The following CA10 variants were observed in gnomAD, a reference collection of about 807,000 sequenced individuals.
CA10 encodes carbonic anhydrase-related protein 10.
In CA10, 14 loss-of-function variants were observed where a neutral mutation model predicts 44.2. The observed-to-expected ratio is 0.32, with a 90% CI of 0.21 to 0.50. The LOEUF is 0.50. Among genes scored for constraint, CA10 ranks in the 20% least tolerant of loss-of-function variants. The pLI is 0.99. For synonymous variants in CA10, 159 were observed against 141.6 expected, an observed-to-expected ratio of 1.12 and a Z score of -0.87; for missense variants, 350 against 409.7, an observed-to-expected ratio of 0.85 and a Z score of 1.26.
At position 52,142,506 on chromosome 17, in the gene CA10, GTTA is replaced by G. The variant is rs1204308978; in HGVS notation, c.61+15217_61+15219del. Among the ~76,000 whole-genome samples, 5 of 151,976 alleles carry G rather than the reference GTTA, an allele frequency of 3.3e-5. No homozygotes were observed. In the East Asian group the frequency reaches 7.7e-4, roughly 23 times the overall value. On this transcript the variant is annotated intron_variant, in intron 1 of 8. Coordinates refer to ENST00000451037, the MANE Select transcript of CA10 (RefSeq NM_020178.5). ...ATGCTTATAAAAAATCACTGATGGG[GTTA>G]TTTTTTTTGAAAATACTTGGAAAAT...
At chr17:51,962,691 C>G (rs1439993519) in intron 2 of CA10, among the ~76,000 whole-genome samples, 1 of 152,064 alleles carries the variant, frequency 6.6e-6, no homozygotes, top group Admixed American at 6.6e-5. Flanking sequence ...TATGGTCACA[C>G]CCCACAGGGA....
intron 1 of CA10, among the ~76,000 whole-genome samples, chr17:52,077,816 A>T (rs1987856613): frequency 6.6e-6 from 1 of 152,164 alleles, no homozygotes; most frequent in South Asian, 2.1e-4. Context: ...CCCGATTTCC[A>T]TTGGGCTAAA....
At chr17:51,846,516 C>A (rs1404628075) in intron 3 of CA10, among the ~76,000 whole-genome samples, 2 of 152,190 alleles carry the variant, frequency 1.3e-5, no homozygotes, top group Admixed American at 6.5e-5. Context: ...TAACAGGTAG[C>A]AACTGTTATT....
At chr17:52,058,745 G>T (rs1987297039) in intron 2 of CA10, among the ~76,000 whole-genome samples, 1 of 152,154 alleles carries the variant, frequency 6.6e-6, no homozygotes, top group Non-Finnish European at 1.5e-5. Context: ...CATCTGCAAA[G>T]CCTTTTCTGA....
At chr17:52,024,193 A>G (rs1277470649) in intron 2 of CA10, among the ~76,000 whole-genome samples, 3 of 152,094 alleles carry the variant, frequency 2.0e-5, no homozygotes, top group Non-Finnish European at 4.4e-5. Context: ...AAAAGGATCA[A>G]TCTGATCTAA....
intron 4 of CA10, among the ~76,000 whole-genome samples, chr17:51,726,380 T>C (rs1013759901): frequency 2.6e-5 from 4 of 152,222 alleles, no homozygotes; most frequent in African/African-American, 7.2e-5. Flanking sequence ...ACAGTGACTG[T>C]AGTTAATAAC....
chr17:52,097,381 T>C (rs1988429733), intron 1 of CA10, among the ~76,000 whole-genome samples: 1 of 152,216 alleles, frequency 6.6e-6, no homozygotes, highest in South Asian at 2.1e-4. Flanking sequence ...TAAACAGTCT[T>C]GTTTATATAT....
chr17:51,794,819 G>A (rs909830537), intron 3 of CA10, among the ~76,000 whole-genome samples: 3 of 152,120 alleles, frequency 2.0e-5, no homozygotes, highest in Admixed American at 6.6e-5. Context: ...TTAACCAAAG[G>A]CATTTCCATG....
In CA10 at chr17:51,701,269, G is replaced by T. The variant is rs534876676; in HGVS notation, c.465+46364C>A. On this transcript the variant is annotated intron_variant, in intron 4 of 8. Coordinates refer to ENST00000451037, the MANE Select transcript of CA10 (RefSeq NM_020178.5). Reference sequence around the variant, plus strand: ...CCTCTGCCTCTGTTTTCACATGGTTGTCTTCTGTCTGTGTCCCAATTTCCC... The same window carrying T: ...CCTCTGCCTCTGTTTTCACATGGTTTTCTTCTGTCTGTGTCCCAATTTCCC... Among the ~76,000 whole-genome samples, 12 of 152,076 alleles carry T rather than the reference G, an allele frequency of 7.9e-5. No individual in the cohort carries two copies. In the South Asian group the frequency reaches 2.5e-3, roughly 32 times the overall value.
intron 3 of CA10, among the ~76,000 whole-genome samples, chr17:51,924,335 G>A (rs928052524): frequency 2.6e-5 from 4 of 152,136 alleles, no homozygotes; most frequent in African/African-American, 7.2e-5. Flanking sequence ...AGGTATGTAC[G>A]AAGTATAATG....
chr17:52,026,480 C>T (rs1446192746), intron 2 of CA10, among the ~76,000 whole-genome samples: 4 of 152,118 alleles, frequency 2.6e-5, no homozygotes, highest in Non-Finnish European at 2.9e-5. Context: ...CCTAGAGCAG[C>T]GGTTCCCAAC....
intron 2 of CA10, among the ~76,000 whole-genome samples, chr17:52,051,190 C>T (rs773593892): frequency 4.6e-5 from 7 of 151,496 alleles, no homozygotes; most frequent in East Asian, 1.9e-4. Context: ...AACAAAGGCA[C>T]GTAAACCCTG....
At chr17:51,939,127 T>C (rs929115731) in intron 2 of CA10, among the ~76,000 whole-genome samples, 1 of 152,030 alleles carries the variant, frequency 6.6e-6, no homozygotes, top group Non-Finnish European at 1.5e-5. Flanking sequence ...CATACAAATA[T>C]ATACACATGT....
intron 3 of CA10, among the ~76,000 whole-genome samples, chr17:51,922,984 G>T (rs1316475799): frequency 6.6e-6 from 1 of 152,050 alleles, no homozygotes; most frequent in Non-Finnish European, 1.5e-5. Flanking sequence ...GTCAATAAAG[G>T]AATTTGTCTA....
intron 1 of CA10, among the ~76,000 whole-genome samples, chr17:52,102,220 C>G (rs1351156687): frequency 6.6e-6 from 1 of 152,202 alleles, no homozygotes; most frequent in Non-Finnish European, 1.5e-5. Context: ...AAAACAGAGA[C>G]TCCTCCAGAG....
rs1166654296 is a variant in CA10, at chr17:51,903,228, T to G, written c.279+27762A>C. 3.3e-5 allele frequency among the ~76,000 whole-genome samples: 5 copies of G among 152,256 alleles called. No homozygotes were observed. The East Asian group carries it at 9.7e-4, about 29-fold the overall frequency. On this transcript the variant is annotated intron_variant, in intron 3 of 8. Transcript: ENST00000451037. Reference sequence around the variant, plus strand: ...TCTTCTGATTCAAGGGTGAGTTTCTTTACAGCCCTCTACTAGAACATGAGA... The same window carrying G: ...TCTTCTGATTCAAGGGTGAGTTTCTGTACAGCCCTCTACTAGAACATGAGA...
chr17:51,998,631 T>A (rs1985319381), intron 2 of CA10, among the ~76,000 whole-genome samples: 1 of 152,040 alleles, frequency 6.6e-6, no homozygotes, highest in Non-Finnish European at 1.5e-5. Context: ...TATCAACTTA[T>A]TTATATTTAT....
At chr17:52,001,013 T>C (rs780908708) in intron 2 of CA10, among the ~76,000 whole-genome samples, 3 of 151,964 alleles carry the variant, frequency 2.0e-5, no homozygotes, top group African/African-American at 4.8e-5. Flanking sequence ...CTAAGATAAG[T>C]AAGCTGCTGA....
At chr17:51,668,624 C>A (rs946885984) in intron 4 of CA10, among the ~76,000 whole-genome samples, 1 of 152,214 alleles carries the variant, frequency 6.6e-6, no homozygotes, top group African/African-American at 2.4e-5. Context: ...GTGCTAGCAA[C>A]CCTTGCTCGC....
Sources: gnomAD v4.1 joint callset for allele counts (sites outside exome capture counted in the v4.1 genomes callset) on GRCh38, gnomAD v4.1.1 for gene constraint, MANE v1.5 for transcripts, NCBI Gene and HGNC (gene_info 2026-07-23, HGNC 2026-07-21) for gene names.